The following PPME1 variants were observed in gnomAD, a reference collection of about 807,000 sequenced individuals.
The protein encoded by PPME1 is protein phosphatase methylesterase 1, also known as testicular secretory protein Li 39.
Under a neutral mutation model 56.9 loss-of-function variants are expected in PPME1, and 17 were observed. That is an observed-to-expected ratio of 0.30 (90% CI 0.20 to 0.45). The LOEUF (loss-of-function observed/expected upper bound fraction) is 0.45, where lower values mean the gene tolerates loss of function less well. PPME1 is among the 20% of genes least tolerant of loss of function. The pLI, the probability that PPME1 is intolerant of heterozygous loss-of-function variation, is 1.00. For missense variants in PPME1, 357 were observed against 483.2 expected (o/e 0.74, Z 2.45); for synonymous variants, 122 against 156.2 (o/e 0.78, Z 1.63).
At chr11:74,251,582 T>C (rs2135685628) in intron 12 of PPME1, 66 bp from the exon 13 acceptor site, 4 of 1,584,092 alleles carry the variant, frequency 2.5e-6, no homozygotes, top group Non-Finnish European at 3.4e-6. Flanking sequence ...TAACAGTAGC[T>C]CACAGCCCAA....
In PPME1 at chr11:74,230,114, T is replaced by G. The variant is rs1318143757; in HGVS notation, c.399-131T>G. The G allele has an allele frequency of 4.1e-6, 4 of 965,600 alleles. No homozygotes were observed. The highest frequency in any genetic ancestry group is 6.1e-6 in the Non-Finnish European group (4 of 654,764). The allele number at this position is 965,600 out of a possible 1,614,324, so 59.8% of individuals were successfully genotyped here. On this transcript the variant is annotated intron_variant, in intron 5 of 13. Transcript: ENST00000328257. The surrounding 1 kb of genome is among the most constrained non-coding windows in gnomAD (Gnocchi z 4.9). ...GTTAGAAGGTTTACATAGGTATGTT[T>G]GTAAGATGGCCCAATAGACTTTTAC...
intron 8 of PPME1, among the ~76,000 whole-genome samples, chr11:74,237,233 A>ATGT (rs761908958): frequency 8.1e-5 from 12 of 147,662 alleles, no homozygotes; most frequent in Non-Finnish European, 1.2e-4. Flanking sequence ...TTGATAGGTG[A>ATGT]TGTTGCGTAC....
chr11:74,194,305 G>A (rs557871493), intron 1 of PPME1, among the ~76,000 whole-genome samples: 1 of 152,188 alleles, frequency 6.6e-6, no homozygotes, highest in Non-Finnish European at 1.5e-5. Flanking sequence ...GATGGAGAAA[G>A]GTTTCCTACT....
chr11:74,183,726 T>G (rs1443565168), intron 1 of PPME1, among the ~76,000 whole-genome samples: 1 of 152,216 alleles, frequency 6.6e-6, no homozygotes, highest in Admixed American at 6.5e-5. Context: ...TACAAATTGA[T>G]GGTGCCTTGT....
At chr11:74,220,662 TGAAG>T in intron 3 of PPME1, among the ~76,000 whole-genome samples, 1 of 152,342 alleles carries the variant, frequency 6.6e-6, no homozygotes, top group East Asian at 1.9e-4. Flanking sequence ...GTAATTCATC[TGAAG>T]CACTTAGATT....
chr11:74,185,095 C>G (rs3018185), intron 1 of PPME1, among the ~76,000 whole-genome samples: 117,796 of 149,726 alleles, frequency 0.79, 46,841 homozygotes, highest in African/African-American at 0.91. Flanking sequence ...CACCTCCCGG[C>G]TTCAAGCGAT....
intron 9 of PPME1, chr11:74,243,259 A>G (rs1859421356): frequency 6.6e-6 from 1 of 152,094 alleles, no homozygotes; most frequent in East Asian, 1.9e-4. Context: ...TTTATTTCCA[A>G]TAACCTAAAT....
At chr11:74,171,709 T>C (rs575836901) in intron 1 of PPME1, among the ~76,000 whole-genome samples, 187 bp downstream of exon 1, 1 of 151,946 alleles carries the variant, frequency 6.6e-6, no homozygotes. Context: ...CAATAGAAAT[T>C]GGAGGAAAAA....
intron 9 of PPME1, among the ~76,000 whole-genome samples, chr11:74,239,816 G>T (rs1368843412): frequency 2.0e-5 from 3 of 151,806 alleles, no homozygotes; most frequent in Non-Finnish European, 4.4e-5. Flanking sequence ...TCCTGACCTC[G>T]TGATCCACCC....
intron 1 of PPME1, among the ~76,000 whole-genome samples, chr11:74,199,531 C>T (rs1039740224): frequency 2.6e-5 from 4 of 152,082 alleles, no homozygotes; most frequent in African/African-American, 9.7e-5. Flanking sequence ...TGGCTATTCA[C>T]GAGTGTGATA....
At chr11:74,228,930 A>C (rs534190926) in intron 5 of PPME1, among the ~76,000 whole-genome samples, 3 of 152,110 alleles carry the variant, frequency 2.0e-5, no homozygotes, top group Non-Finnish European at 2.9e-5. Flanking sequence ...CGTCTTAACT[A>C]TTTGTTATCG....
intron 13 of PPME1, among the ~76,000 whole-genome samples, chr11:74,252,115 T>C (rs569432783): frequency 6.6e-6 from 1 of 150,752 alleles, no homozygotes; most frequent in Non-Finnish European, 1.5e-5. Context: ...TTTTTTTTTT[T>C]TTTTTTTTCT....
intron 1 of PPME1, among the ~76,000 whole-genome samples, chr11:74,183,122 C>T (rs1857584164): frequency 6.6e-6 from 1 of 151,890 alleles, no homozygotes; most frequent in Non-Finnish European, 1.5e-5. Flanking sequence ...CATAGTGAGA[C>T]CACATCGCTA....
intron 3 of PPME1, among the ~76,000 whole-genome samples, chr11:74,216,529 A>C (rs2135641336): frequency 6.6e-6 from 1 of 152,318 alleles, no homozygotes; most frequent in Middle Eastern, 3.4e-3. Context: ...AAGAGCCTAC[A>C]TCAAGAATGT....
chr11:74,188,802 G>A (rs1857759772), intron 1 of PPME1, among the ~76,000 whole-genome samples: 1 of 151,960 alleles, frequency 6.6e-6, no homozygotes, highest in African/African-American at 2.4e-5. Context: ...CACTAAAGAT[G>A]TGCAGTCAAA....
At chr11:74,232,860 ATTTTTTT>A (rs35057762) in intron 7 of PPME1, among the ~76,000 whole-genome samples, 46 of 93,844 alleles carry the variant, frequency 4.9e-4, no homozygotes, top group South Asian at 1.0e-3. Context: ...TTGTTATTTG[ATTTTTTT>A]TTTTTTTTTT....
At position 74,197,161 on chromosome 11, in the gene PPME1, G is replaced by A. The variant is rs566266377; in HGVS notation, c.102-6567G>A. Among the ~76,000 whole-genome samples the A allele has an allele frequency of 2.0e-4, 31 of 152,238 alleles. No homozygotes were observed. In the South Asian group the frequency reaches 5.4e-3, roughly 27 times the overall value. ...TCTTGATTGGTGTAGTATCCCATTCGCTTTTACTAGAAAGTTTATAAGGAT... is the reference window on the plus strand; with the variant it reads ...TCTTGATTGGTGTAGTATCCCATTCACTTTTACTAGAAAGTTTATAAGGAT... On this transcript the variant is annotated intron_variant, in intron 1 of 13. Coordinates refer to ENST00000328257, the MANE Select transcript of PPME1 (RefSeq NM_016147.3).
At chr11:74,171,640 G>A (rs1423603989) in intron 1 of PPME1, 118 bp downstream of exon 1, 9 of 1,314,720 alleles carry the variant, frequency 6.8e-6, no homozygotes, top group Non-Finnish European at 9.1e-6. Flanking sequence ...AATGTTGGCG[G>A]CCTGGAGATA....
At chr11:74,188,995 T>C (rs536314444) in intron 1 of PPME1, among the ~76,000 whole-genome samples, 136 of 152,352 alleles carry the variant, frequency 8.9e-4, no homozygotes, top group African/African-American at 3.2e-3. Context: ...GTATAGCTTT[T>C]TTGTTTGTAA....
Sources: allele counts gnomAD v4.1 joint callset (sites outside exome capture counted in the v4.1 genomes callset), GRCh38; gene constraint gnomAD v4.1.1; non-coding constraint Gnocchi (gnomAD v3.1); transcripts MANE v1.5; gene names NCBI Gene and HGNC (gene_info 2026-07-23, HGNC 2026-07-21).